LINC00305: variants seen among roughly 807,000 people sequenced by gnomAD.
LINC00305 encodes long intergenic non-protein coding RNA 305.
At chr18:64,147,061 G>A (rs1341764494) in intron 1 of LINC00305, 1 of 152,166 alleles carries the variant, frequency 6.6e-6, no homozygotes, top group Non-Finnish European at 1.5e-5. Context: ...ATGGAAAGCT[G>A]TATATTTAGT....
rs1350263856 is a variant in LINC00305, at chr18:64,132,875, G to T, written n.314+15900C>A. On this transcript the variant is annotated intron_variant and non_coding_transcript_variant, in intron 1 of 3. Coordinates refer to ENST00000666468, the Ensembl canonical transcript of LINC00305. ...GCTTCTGCCTTAGTCTTTTGAGGGT[G>T]ACACCATCCCAGCATGACTTCACAA... Among the ~76,000 whole-genome samples, 3 of 152,168 alleles carry T rather than the reference G, an allele frequency of 2.0e-5. No homozygotes were observed. The East Asian group carries it at 5.8e-4, about 29-fold the overall frequency.
At position 64,096,665 on chromosome 18, in the gene LINC00305, A is replaced by C. The variant is rs1031665728; in HGVS notation, n.540+1169T>G. On this transcript the variant is annotated intron_variant and non_coding_transcript_variant, in intron 3 of 3. Coordinates refer to ENST00000666468, the Ensembl canonical transcript of LINC00305. The stretch of plus-strand genomic sequence containing the variant: ...TGAATTACACCACCAACTATAAACA[A>C]TCATACCAAAAATTAATGAATATAA... Among the ~76,000 whole-genome samples the C allele has an allele frequency of 9.9e-5, 15 of 152,066 alleles. No individual in the cohort carries two copies. The South Asian group carries it at 2.9e-3, about 29-fold the overall frequency.
intron 3 of LINC00305, among the ~76,000 whole-genome samples, chr18:64,095,454 G>A (rs558962675): frequency 7.6e-6 from 1 of 130,772 alleles, no homozygotes; most frequent in East Asian, 2.0e-4. Flanking sequence ...TAAGACAAGA[G>A]GAGATTTTTT....
chr18:64,149,004 T>C (rs2144288984), exon 1 of LINC00305: 1 of 152,136 alleles, frequency 6.6e-6, no homozygotes, highest in East Asian at 1.9e-4. Context: ...AGGAAAGGGG[T>C]GTGGAAATCA....
chr18:64,140,864 G>A (rs1311317780), intron 1 of LINC00305, among the ~76,000 whole-genome samples: 2 of 151,958 alleles, frequency 1.3e-5, no homozygotes, highest in Admixed American at 1.3e-4. Flanking sequence ...CATGGAGAGA[G>A]ATGTGACCAG....
chr18:64,148,463 CT>C, intron 1 of LINC00305, among the ~76,000 whole-genome samples: 1 of 151,602 alleles, frequency 6.6e-6, no homozygotes. Flanking sequence ...GCAAGCCAGG[CT>C]TGCAACTCAC....
chr18:64,120,517 A>G (rs1472193625), intron 1 of LINC00305, among the ~76,000 whole-genome samples: 1 of 151,584 alleles, frequency 6.6e-6, no homozygotes, highest in Non-Finnish European at 1.5e-5. Flanking sequence ...TTAGTCGTCG[A>G]AATTGTTGAG....
intron 1 of LINC00305, among the ~76,000 whole-genome samples, chr18:64,123,291 C>T (rs2051370194): frequency 6.6e-6 from 1 of 152,100 alleles, no homozygotes; most frequent in African/African-American, 2.4e-5. Context: ...CTTCTCTTTT[C>T]ATCTGGATTG....
At chr18:64,139,584 T>C (rs1233737919) in intron 1 of LINC00305, 1 of 152,180 alleles carries the variant, frequency 6.6e-6, no homozygotes, top group Non-Finnish European at 1.5e-5. Context: ...AAAAAAACAA[T>C]GTACATGTGT....
intron 3 of LINC00305, among the ~76,000 whole-genome samples, chr18:64,083,134 T>C (rs2051190993): frequency 1.3e-5 from 2 of 152,330 alleles, no homozygotes; most frequent in Non-Finnish European, 2.9e-5. Flanking sequence ...TTTTGTATTT[T>C]TTACTCCCCT....
At chr18:64,111,188 C>T (rs1188776880) in intron 1 of LINC00305, among the ~76,000 whole-genome samples, 2 of 152,150 alleles carry the variant, frequency 1.3e-5, no homozygotes, top group African/African-American at 2.4e-5. Flanking sequence ...GGATGGTTGC[C>T]TTATTGTGAC....
intron 3 of LINC00305, among the ~76,000 whole-genome samples, chr18:64,081,185 T>A (rs1235988109): frequency 1.3e-5 from 2 of 152,256 alleles, no homozygotes; most frequent in Non-Finnish European, 2.9e-5. Flanking sequence ...TCACATTGCC[T>A]TTTGGCAAGA....
At chr18:64,117,732 A>G (rs770010300) in intron 1 of LINC00305, among the ~76,000 whole-genome samples, 2 of 152,194 alleles carry the variant, frequency 1.3e-5, no homozygotes, top group Non-Finnish European at 2.9e-5. Flanking sequence ...TGGTCCAACT[A>G]GAGAACAACT....
chr18:64,108,833 G>A (rs1044498602), intron 1 of LINC00305, among the ~76,000 whole-genome samples: 3 of 152,186 alleles, frequency 2.0e-5, no homozygotes, highest in African/African-American at 7.2e-5. Context: ...AATATATAGG[G>A]TAGAGCCTTG....
intron 1 of LINC00305, among the ~76,000 whole-genome samples, chr18:64,100,273 C>G (rs888423849): frequency 1.3e-5 from 2 of 152,046 alleles, no homozygotes; most frequent in African/African-American, 4.8e-5. Context: ...TTTAACACCC[C>G]CTCAAAGCTA....
At chr18:64,115,164 G>A (rs2051332281) in intron 1 of LINC00305, among the ~76,000 whole-genome samples, 1 of 152,208 alleles carries the variant, frequency 6.6e-6, no homozygotes, top group Admixed American at 6.5e-5. Context: ...AACCCAAATT[G>A]TCTGCCTTGT....
chr18:64,116,724 A>AT (rs964281452), intron 1 of LINC00305, among the ~76,000 whole-genome samples: 21 of 152,214 alleles, frequency 1.4e-4, no homozygotes, highest in African/African-American at 4.3e-4. Flanking sequence ...CAGAGTTGTC[A>AT]TTTTTTTGCA....
intron 1 of LINC00305, among the ~76,000 whole-genome samples, chr18:64,138,922 G>C (rs917837726): frequency 6.6e-6 from 1 of 152,194 alleles, no homozygotes; most frequent in Non-Finnish European, 1.5e-5. Flanking sequence ...ATGAATCAAA[G>C]AGTATGTGCG....
intron 3 of LINC00305, among the ~76,000 whole-genome samples, chr18:64,086,640 G>A (rs1402265167): frequency 1.3e-5 from 2 of 152,196 alleles, no homozygotes; most frequent in East Asian, 3.9e-4. Context: ...ATACACTTTA[G>A]CAAGCTAAAT....
Sources: gnomAD v4.1 joint callset for allele counts (sites outside exome capture counted in the v4.1 genomes callset) on GRCh38, gnomAD v4.1.1 for gene constraint, MANE v1.5 for transcripts, NCBI Gene and HGNC (gene_info 2026-07-23, HGNC 2026-07-21) for gene names.